Variants in AR observed in about 807,000 individuals in gnomAD.
AR encodes the protein androgen receptor.
Under a neutral mutation model 53.9 loss-of-function variants are expected in AR, and 8 were observed. That is an observed-to-expected ratio of 0.15 (90% CI 0.09 to 0.27). AR has a LOEUF of 0.27. AR is among the 10% of genes least tolerant of loss of function. The probability of loss-of-function intolerance (pLI) is 1.00; values close to 1 mark genes in which losing one functional copy is unlikely to be tolerated. For synonymous variants in AR, 359 were observed against 316.4 expected (o/e 1.13, Z -1.43); for missense variants, 639 against 742.5 (o/e 0.86, Z 1.62).
intron 1 of AR, among the ~76,000 whole-genome samples, chrX:67,547,860 A>G (rs1356314938): frequency 8.9e-6 from 1 of 112,131 alleles, no homozygotes; most frequent in Non-Finnish European, 1.9e-5. Flanking sequence ...TAATTAGCAT[A>G]TGAGAAAAGT....
chrX:67,715,919 G>A (rs764142181), intron 4 of AR, among the ~76,000 whole-genome samples: 1 of 111,956 alleles, frequency 8.9e-6, no homozygotes, highest in East Asian at 2.8e-4. Context: ...CTGAGGTGAT[G>A]CCTTTATAAC....
chrX:67,643,528 A>G (rs774390650), intron 2 of AR, 121 bp downstream of exon 2: 12 of 1,010,340 alleles, frequency 1.2e-5, no homozygotes, highest in South Asian at 6.5e-5. Flanking sequence ...GCAAGGCCCT[A>G]TCAAATAACT....
chrX:67,664,592 G>A (rs1047871961), intron 2 of AR, among the ~76,000 whole-genome samples: 4 of 112,283 alleles, frequency 3.6e-5, no homozygotes, highest in East Asian at 2.8e-4. Flanking sequence ...CAGTCTGTCC[G>A]TTCTCAGATC....
At chrX:67,599,089 G>A in intron 1 of AR, among the ~76,000 whole-genome samples, 1 of 111,904 alleles carries the variant, frequency 8.9e-6, no homozygotes, top group East Asian at 2.8e-4. Context: ...GTATGTGTTA[G>A]AGAAGGGGCC....
At position 67,604,198 on chromosome X, in the gene AR, ATGTGTGTGTGTGTGTG is replaced by A. The variant is rs72092334; in HGVS notation, c.1617-39026_1617-39011del. Among the ~76,000 whole-genome samples the A allele has an allele frequency of 1.8e-4, 14 of 78,141 alleles. No individual in the cohort carries two copies. The South Asian group carries it at 2.6e-3, about 15-fold the overall frequency. 67.9% of individuals were successfully genotyped at this position (78,141 alleles called of 115,157 possible). Reference sequence around the variant, plus strand: ...AGAAGGTCAGAAGCTGGGGAGAAATATGTGTGTGTGTGTGTGTGTGTGTGTGTGTGTGTGTGTGTGT... The same window carrying A: ...AGAAGGTCAGAAGCTGGGGAGAAATATGTGTGTGTGTGTGTGTGTGTGTGT... On this transcript the variant is annotated intron_variant, in intron 1 of 7. Transcript: ENST00000374690.
intron 1 of AR, among the ~76,000 whole-genome samples, chrX:67,630,679 A>T (rs1440394958): frequency 9.2e-6 from 1 of 109,093 alleles, no homozygotes; most frequent in African/African-American, 3.4e-5. Flanking sequence ...TTATCCTGTC[A>T]TTATGATTTT....
intron 1 of AR, among the ~76,000 whole-genome samples, chrX:67,605,218 T>C (rs1364437973): frequency 8.9e-6 from 1 of 112,514 alleles, no homozygotes; most frequent in East Asian, 2.8e-4. Context: ...AATGGCATCT[T>C]TGGAACAGTG....
intron 1 of AR, among the ~76,000 whole-genome samples, chrX:67,596,069 G>T (rs918855924): frequency 9.1e-6 from 1 of 109,555 alleles, no homozygotes; most frequent in African/African-American, 3.3e-5. Flanking sequence ...AGATCTGGTT[G>T]TATAGCACCT....
At chrX:67,679,619 A>G (rs1461142148) in intron 2 of AR, among the ~76,000 whole-genome samples, 2 of 111,790 alleles carry the variant, frequency 1.8e-5, no homozygotes, top group East Asian at 5.6e-4. Context: ...CCTCTTCACC[A>G]ACACGTAGTA....
At chrX:67,602,969 G>T (rs1182257687) in intron 1 of AR, among the ~76,000 whole-genome samples, 1 of 111,733 alleles carries the variant, frequency 8.9e-6, no homozygotes, top group African/African-American at 3.3e-5. Flanking sequence ...AATTTATACT[G>T]CTGTGAAGTT....
chrX:67,694,765 G>T (rs759978165), intron 3 of AR: 35 of 1,150,542 alleles, frequency 3.0e-5, no homozygotes, highest in African/African-American at 3.6e-5. Flanking sequence ...GCTCTAGAGG[G>T]CTCTAGTGGA....
rs968088343 is a variant in AR, at chrX:67,727,063, G to A, written c.*3222G>A. The stretch of plus-strand genomic sequence containing the variant: ...CAGGATCACGAACTCTGTAGTCAAA[G>A]AAAAGAGTCGTGTGGCAGTTTCAGC... On this transcript the variant is annotated 3_prime_UTR_variant, in exon 8 of 8. Transcript: ENST00000374690. The A allele has an allele frequency of 1.2e-5, 2 of 172,885 alleles. No homozygotes were observed. The highest frequency in any genetic ancestry group is 3.1e-4 in the South Asian group (1 of 3,244). 14.2% of individuals were successfully genotyped at this position (172,885 alleles called of 1,213,427 possible). A position where few individuals can be genotyped will look rare whatever the true frequency, so the allele number is the denominator to read the frequency against.
intron 1 of AR, among the ~76,000 whole-genome samples, chrX:67,615,251 GA>G (rs1924065065): frequency 9.0e-6 from 1 of 110,507 alleles, no homozygotes; most frequent in East Asian, 2.8e-4. Context: ...CTTCAAGCAG[GA>G]AAATGTAACG....
intron 1 of AR, among the ~76,000 whole-genome samples, chrX:67,573,032 G>T (rs1602164267): frequency 1.8e-5 from 2 of 111,234 alleles, no homozygotes; most frequent in East Asian, 5.7e-4. Context: ...CTGGGCCAGG[G>T]TCCTACCACT....
intron 1 of AR, among the ~76,000 whole-genome samples, chrX:67,587,947 T>C (rs1922636609): frequency 9.1e-6 from 1 of 110,139 alleles, no homozygotes; most frequent in Non-Finnish European, 1.9e-5. Flanking sequence ...TTCTGAAGTC[T>C]GCCTACTGCT....
chrX:67,710,973 A>G (rs2076091433), intron 3 of AR, among the ~76,000 whole-genome samples: 1 of 112,629 alleles, frequency 8.9e-6, no homozygotes, highest in Non-Finnish European at 1.9e-5. Context: ...TGGCCAGGCT[A>G]CCAGACTGGG....
intron 2 of AR, among the ~76,000 whole-genome samples, chrX:67,655,165 C>A (rs934347696): frequency 6.4e-5 from 7 of 109,706 alleles, no homozygotes; most frequent in Admixed American, 5.9e-4. Context: ...AACTTCAGAT[C>A]TTGTCCAAAG....
chrX:67,662,734 T>C (rs946716350), intron 2 of AR, among the ~76,000 whole-genome samples: 27 of 111,263 alleles, frequency 2.4e-4, no homozygotes, highest in Non-Finnish European at 3.6e-4. Flanking sequence ...TGTTAAAGTC[T>C]CCCATTATTA....
At chrX:67,559,305 C>T (rs962765960) in intron 1 of AR, among the ~76,000 whole-genome samples, 3 of 112,068 alleles carry the variant, frequency 2.7e-5, no homozygotes, top group African/African-American at 9.7e-5. Context: ...CTGCCCTTCA[C>T]CTTTTAATTA....
Sources: gnomAD v4.1 joint callset for allele counts (sites outside exome capture counted in the v4.1 genomes callset) on GRCh38, gnomAD v4.1.1 for gene constraint, MANE v1.5 for transcripts, NCBI Gene and HGNC (gene_info 2026-07-23, HGNC 2026-07-21) for gene names.